Variants in RNF145 observed in about 807,000 individuals in gnomAD.
RNF145 encodes the protein ring finger protein 145.
In RNF145, 12 loss-of-function variants were observed where a neutral mutation model predicts 57.3. The ratio of observed to expected loss-of-function variants is 0.21; its 90% CI spans 0.13 to 0.34. RNF145 has a LOEUF of 0.34. RNF145 is among the 10% of genes least tolerant of loss of function. The probability of loss-of-function intolerance (pLI) is 1.00; values close to 1 mark genes in which losing one functional copy is unlikely to be tolerated. For synonymous variants in RNF145, 262 were observed against 288.3 expected (o/e 0.91, Z 0.92); for missense variants, 429 against 799.0 (o/e 0.54, Z 5.58).
At chr5:159,177,786 T>C (rs1784765232) in intron 4 of RNF145, among the ~76,000 whole-genome samples, 1 of 152,062 alleles carries the variant, frequency 6.6e-6, no homozygotes, top group Non-Finnish European at 1.5e-5. Flanking sequence ...TAACTTGCCA[T>C]AGTGAGTATA....
chr5:159,177,030 A>C (rs1584680216), intron 4 of RNF145, among the ~76,000 whole-genome samples, 163 bp from the exon 5 acceptor site: 1 of 152,162 alleles, frequency 6.6e-6, no homozygotes. Context: ...TCATCTGACT[A>C]TAATTACATA....
At position 159,176,882 on chromosome 5, in the gene RNF145, A is replaced by G. The variant is rs1354324960; in HGVS notation, c.386-15T>C. ...CACCAACTGACCTAAAATAGGGAAT[A>G]GAATACATTTAATTTTGAGTATTTG... is the stretch of plus-strand genomic sequence containing the variant. On this transcript the variant is annotated splice_polypyrimidine_tract_variant and intron_variant, in intron 4 of 10. Coordinates refer to ENST00000424310, the MANE Select transcript of RNF145 (RefSeq NM_001199383.2). The G allele has an allele frequency of 2.7e-6, 4 of 1,471,914 alleles. No homozygotes were observed. The African/African-American group carries it at 5.6e-5, about 21-fold the overall frequency. The allele number at this position is 1,471,914 out of a possible 1,614,324, so 91.2% of individuals were successfully genotyped here.
chr5:159,181,146 T>C (rs1784881031), intron 4 of RNF145, among the ~76,000 whole-genome samples: 1 of 151,424 alleles, frequency 6.6e-6, no homozygotes. Flanking sequence ...AAAAAAAAGT[T>C]TTTTAATGTA....
intron 2 of RNF145, among the ~76,000 whole-genome samples, chr5:159,197,977 A>C (rs1785514479): frequency 1.3e-5 from 2 of 152,170 alleles, no homozygotes; most frequent in African/African-American, 4.8e-5. Flanking sequence ...GTGTTGGCTC[A>C]CATCTGTAAT....
At chr5:159,159,974 G>A (rs62378677) in intron 10 of RNF145, among the ~76,000 whole-genome samples, 1 of 152,148 alleles carries the variant, frequency 6.6e-6, no homozygotes, top group African/African-American at 2.4e-5. Context: ...GCAGCCAGCT[G>A]GGAAGCTAAG....
At position 159,207,798 on chromosome 5, in the gene RNF145, A is replaced by G. The variant is rs573657430; in HGVS notation, c.-40+1433T>C. 138 of 1,614,148 alleles carry G rather than the reference A, an allele frequency of 8.5e-5. No homozygotes were observed. The South Asian group carries it at 1.4e-3, about 17-fold the overall frequency. ...ACTAGCAATTCTGTGGTTTCTCATC[A>G]TCTCCCAAACCGCAAAGACAGGGAG... On this transcript the variant is annotated intron_variant, in intron 1 of 10. Coordinates refer to ENST00000424310, the MANE Select transcript of RNF145 (RefSeq NM_001199383.2).
intron 2 of RNF145, among the ~76,000 whole-genome samples, chr5:159,195,717 A>G (rs1386260750): frequency 1.3e-5 from 2 of 152,224 alleles, no homozygotes; most frequent in Non-Finnish European, 2.9e-5. Context: ...CTCTATATAT[A>G]AAGTACCTAG....
At position 159,184,469 on chromosome 5, in the gene RNF145, G is replaced by A. The variant is rs185844036; in HGVS notation, c.294-2418C>T. On this transcript the variant is annotated intron_variant, in intron 3 of 10. Coordinates refer to ENST00000424310, the MANE Select transcript of RNF145 (RefSeq NM_001199383.2). The stretch of plus-strand genomic sequence containing the variant: ...ATACTAGCACGCAACTTATAAACAG[G>A]GAGGGGAGATAAATACTTAGTCCTA... Among the ~76,000 whole-genome samples, 286 of 152,238 alleles carry A rather than the reference G, an allele frequency of 1.9e-3. 1 individual carries two copies. Among genetic ancestry groups the A allele is most frequent in the African/African-American group, 6.6e-3 (276 of 41,548 alleles).
intron 6 of RNF145, among the ~76,000 whole-genome samples, chr5:159,173,498 G>A (rs1268111149): frequency 2.0e-5 from 3 of 152,118 alleles, no homozygotes; most frequent in Admixed American, 2.0e-4. Flanking sequence ...TGCCAGTTCT[G>A]CTTCTTTTGG....
At chr5:159,159,283 G>A (rs1474840121) in intron 10 of RNF145, among the ~76,000 whole-genome samples, 2 of 152,166 alleles carry the variant, frequency 1.3e-5, no homozygotes, top group Non-Finnish European at 2.9e-5. Flanking sequence ...AAATGAGGAA[G>A]AAGCTACCTT....
intron 2 of RNF145, among the ~76,000 whole-genome samples, chr5:159,199,262 C>G (rs548769127): frequency 2.0e-5 from 3 of 152,058 alleles, no homozygotes; most frequent in East Asian, 3.9e-4. Context: ...AAACTACGTT[C>G]GGTCACCCAA....
At chr5:159,203,677 T>C (rs748754364) in intron 1 of RNF145, 21 bp from the exon 2 acceptor site, 4 of 1,498,996 alleles carry the variant, frequency 2.7e-6, no homozygotes, top group Non-Finnish European at 3.6e-6. Context: ...GAAGACACAA[T>C]ATATAAAAAT....
intron 3 of RNF145, among the ~76,000 whole-genome samples, chr5:159,183,208 T>C (rs1393801309): frequency 6.6e-6 from 1 of 152,212 alleles, no homozygotes; most frequent in Non-Finnish European, 1.5e-5. Context: ...AATGTATTAA[T>C]TGTCTCTTTC....
At chr5:159,177,346 G>A (rs1784751474) in intron 4 of RNF145, among the ~76,000 whole-genome samples, 1 of 151,970 alleles carries the variant, frequency 6.6e-6, no homozygotes, top group South Asian at 2.1e-4. Context: ...TTTTTGGAGG[G>A]CCAAGTAAAC....
intron 1 of RNF145, chr5:159,207,843 C>T (rs1263357109): frequency 2.5e-6 from 4 of 1,614,042 alleles, no homozygotes; most frequent in Middle Eastern, 1.6e-4. Flanking sequence ...AATACAAAGG[C>T]CATCTTTCAA....
intron 10 of RNF145, 84 bp downstream of exon 10, chr5:159,161,177 AAATTT>A (rs1784203828): frequency 1.3e-6 from 1 of 758,954 alleles, no homozygotes; most frequent in African/African-American, 1.8e-5. Flanking sequence ...TTTTGCCTAG[AAATTT>A]AAGTTGAATT....
intron 9 of RNF145, among the ~76,000 whole-genome samples, chr5:159,162,605 T>C (rs901047637): frequency 1.3e-5 from 2 of 150,958 alleles, no homozygotes; most frequent in Non-Finnish European, 1.5e-5. Context: ...CGGCTAATTT[T>C]TTGTATTTTT....
intron 1 of RNF145, among the ~76,000 whole-genome samples, chr5:159,208,420 G>GA (rs1178820248): frequency 7.2e-5 from 11 of 152,150 alleles, no homozygotes; most frequent in Admixed American, 3.9e-4. Context: ...CCAGAAAGGG[G>GA]GTTCACGGGT....
At chr5:159,177,092 A>C (rs917418338) in intron 4 of RNF145, among the ~76,000 whole-genome samples, 2 of 152,118 alleles carry the variant, frequency 1.3e-5, no homozygotes, top group African/African-American at 4.8e-5. Context: ...TGATCTGGAA[A>C]GAGCAGCATA....
Sources: gnomAD v4.1 joint callset for allele counts (sites outside exome capture counted in the v4.1 genomes callset) on GRCh38, gnomAD v4.1.1 for gene constraint, MANE v1.5 for transcripts, NCBI Gene and HGNC (gene_info 2026-07-23, HGNC 2026-07-21) for gene names.